The following ROBO2 variants were observed in gnomAD, a reference collection of about 807,000 sequenced individuals.
The protein encoded by ROBO2 is roundabout homolog 2.
ROBO2 carries 53 observed loss-of-function variants against 160.8 expected under a neutral mutation model. The ratio of observed to expected loss-of-function variants is 0.33; its 90% CI spans 0.26 to 0.41. The LOEUF is 0.41. Among genes scored for constraint, ROBO2 ranks in the 10% least tolerant of loss-of-function variants. The pLI is 1.00. For synonymous variants in ROBO2, 664 were observed against 611.7 expected, an observed-to-expected ratio of 1.09 and a Z score of -1.26; for missense variants, 1,577 against 1,722.4, an observed-to-expected ratio of 0.92 and a Z score of 1.49.
intron 2 of ROBO2, among the ~76,000 whole-genome samples, chr3:76,110,217 A>G (rs781704308): frequency 2.5e-4 from 38 of 152,050 alleles, no homozygotes; most frequent in Non-Finnish European, 3.7e-4. Context: ...AGTAGACGTG[A>G]TGGCAAACCT....
intron 2 of ROBO2, among the ~76,000 whole-genome samples, chr3:77,440,010 C>T (rs1560837850): frequency 6.6e-6 from 1 of 151,972 alleles, no homozygotes; most frequent in Admixed American, 6.6e-5. Flanking sequence ...ATAGTTTTTA[C>T]GTAATATGTA....
intron 2 of ROBO2, among the ~76,000 whole-genome samples, chr3:76,968,958 A>G (rs1191941697): frequency 6.6e-6 from 1 of 152,170 alleles, no homozygotes; most frequent in Non-Finnish European, 1.5e-5. Flanking sequence ...ATTAGTCTTC[A>G]TTTTGGTGTA....
chr3:76,706,815 CAAAA>C (rs1310923178), intron 2 of ROBO2, among the ~76,000 whole-genome samples: 1 of 151,880 alleles, frequency 6.6e-6, no homozygotes, highest in Admixed American at 6.6e-5. Flanking sequence ...ACTTGTGACT[CAAAA>C]ATAAATAGAT....
At chr3:77,568,208 T>G in intron 12 of ROBO2, 105 bp from the exon 14 acceptor site, 1 of 1,348,836 alleles carries the variant, frequency 7.4e-7, no homozygotes, top group Non-Finnish European at 1.0e-6. Flanking sequence ...TTCGTTTTGT[T>G]TCCCTGTAAT....
At chr3:77,077,937 C>A (rs553740734) in intron 1 of ROBO2, among the ~76,000 whole-genome samples, 1 of 152,220 alleles carries the variant, frequency 6.6e-6, no homozygotes, top group African/African-American at 2.4e-5. Flanking sequence ...TTAAAGTCAC[C>A]TTTTGTGAGC....
chr3:76,572,200 A>G lies in ROBO2; in HGVS notation c.110-525814A>G, dbSNP rs2084998113. Among the ~76,000 whole-genome samples the G allele has an allele frequency of 2.0e-5, 3 of 152,134 alleles. No homozygotes were observed. In the South Asian group the frequency reaches 6.2e-4, roughly 31 times the overall value. On this transcript the variant is annotated intron_variant, in intron 2 of 26. Coordinates refer to the ROBO2 transcript ENST00000487694. ...TATCACTAACCCCATTTTAGAGAGA[A>G]CAAAACTGAAGCACAGACAGGTTTT...
chr3:77,059,420 G>A (rs922163060), intron 1 of ROBO2, among the ~76,000 whole-genome samples: 10 of 152,196 alleles, frequency 6.6e-5, no homozygotes, highest in Admixed American at 6.5e-4. Context: ...TCATGATTTG[G>A]AGTAGCACTA....
In ROBO2 at chr3:76,540,501, A is replaced by C. The variant is rs192040551; in HGVS notation, c.110-557513A>C. Among the ~76,000 whole-genome samples the C allele has an allele frequency of 1.0e-3, 159 of 152,326 alleles. 1 individual carries two copies. The highest frequency in any genetic ancestry group is 3.7e-3 in the African/African-American group (154 of 41,580). ...CTGCTTCCATTGCAGAAATACTAGG[A>C]CATACAAATAAGCAAAATTGACAAA... On this transcript the variant is annotated intron_variant, in intron 2 of 26. Transcript: ENST00000487694.
chr3:76,494,721 G>A (rs566243241), intron 2 of ROBO2, among the ~76,000 whole-genome samples: 1 of 152,154 alleles, frequency 6.6e-6, no homozygotes, highest in African/African-American at 2.4e-5. Flanking sequence ...TTGGGGTGGC[G>A]TATTCTGTTA....
chr3:76,566,084 A>G (rs2084501115), intron 2 of ROBO2, among the ~76,000 whole-genome samples: 2 of 152,192 alleles, frequency 1.3e-5, no homozygotes, highest in South Asian at 4.1e-4. Flanking sequence ...TGTTCACCAC[A>G]GCCTTATCTT....
intron 2 of ROBO2, among the ~76,000 whole-genome samples, chr3:76,430,481 C>G (rs1051783132): frequency 6.6e-6 from 1 of 151,856 alleles, no homozygotes; most frequent in Non-Finnish European, 1.5e-5. Context: ...TAATCAGAAG[C>G]CTATTTTTAT....
intron 24 of ROBO2, among the ~76,000 whole-genome samples, chr3:77,643,569 G>A (rs142347216): frequency 1.1e-4 from 17 of 152,034 alleles, no homozygotes; most frequent in African/African-American, 2.4e-4. Flanking sequence ...GATTTTTTTG[G>A]GGGGAGAGGT....
intron 2 of ROBO2, among the ~76,000 whole-genome samples, chr3:76,691,441 A>G (rs2092799630): frequency 2.0e-5 from 3 of 152,144 alleles, no homozygotes; most frequent in Admixed American, 6.6e-5. Flanking sequence ...ATAATGAACT[A>G]TACATTGGAA....
At chr3:76,539,636 T>G (rs1444148261) in intron 2 of ROBO2, among the ~76,000 whole-genome samples, 1 of 152,186 alleles carries the variant, frequency 6.6e-6, no homozygotes, top group African/African-American at 2.4e-5. Flanking sequence ...CTAGAAATAG[T>G]CTGTGAAAAA....
At chr3:77,534,844 T>C (rs1282393583) in intron 6 of ROBO2, among the ~76,000 whole-genome samples, 3 of 152,222 alleles carry the variant, frequency 2.0e-5, no homozygotes, top group Non-Finnish European at 2.9e-5. Flanking sequence ...TTCTGCTGCC[T>C]CTAGGTCTAG....
chr3:76,410,166 T>C (rs1559901824), intron 2 of ROBO2, among the ~76,000 whole-genome samples: 1 of 152,156 alleles, frequency 6.6e-6, no homozygotes, highest in Non-Finnish European at 1.5e-5. Flanking sequence ...AAGTCTCTAC[T>C]TTCTGCTCCT....
chr3:76,841,192 A>G (rs2148469433), intron 2 of ROBO2, among the ~76,000 whole-genome samples: 1 of 152,290 alleles, frequency 6.6e-6, no homozygotes, highest in South Asian at 2.1e-4. Context: ...AAGAACCCAG[A>G]TAGAAACAAC....
intron 2 of ROBO2, among the ~76,000 whole-genome samples, chr3:76,431,897 G>C (rs565235922): frequency 6.6e-6 from 1 of 152,172 alleles, no homozygotes; most frequent in Non-Finnish European, 1.5e-5. Flanking sequence ...ATTAGTTTTT[G>C]ACATTTTGGG....
rs959370527 is a variant in ROBO2 at position 77,161,043 on chromosome 3, C to G, written c.388+62703C>G. Among the ~76,000 whole-genome samples, 3 of 152,100 alleles carry G rather than the reference C, an allele frequency of 2.0e-5. No homozygotes were observed. In the East Asian group the frequency reaches 5.8e-4, roughly 29 times the overall value. On this transcript the variant is annotated intron_variant, in intron 2 of 25. Transcript: ENST00000461745. ...CCACAGATAGGTAAAAGAAGGAGTACTCCAGTGGTTTGAAAGAAGCTGCTG... is the reference window on the plus strand; with the variant it reads ...CCACAGATAGGTAAAAGAAGGAGTAGTCCAGTGGTTTGAAAGAAGCTGCTG...
Sources: allele counts gnomAD v4.1 joint callset (sites outside exome capture counted in the v4.1 genomes callset), GRCh38; gene constraint gnomAD v4.1.1; transcripts MANE v1.5; gene names NCBI Gene and HGNC (gene_info 2026-07-23, HGNC 2026-07-21).